Variants in MTF2 observed in about 807,000 individuals in gnomAD.
MTF2 encodes the protein metal-response element-binding transcription factor 2.
MTF2 carries 11 observed loss-of-function variants against 79.5 expected under a neutral mutation model. The observed-to-expected ratio is 0.14, with a 90% CI of 0.09 to 0.23. MTF2 has a LOEUF of 0.23. MTF2 is among the 10% of genes least tolerant of loss of function. The probability of loss-of-function intolerance (pLI) is 1.00; values close to 1 mark genes in which losing one functional copy is unlikely to be tolerated. For missense variants in MTF2, 486 were observed against 711.2 expected, an observed-to-expected ratio of 0.68 and a Z score of 3.60; for synonymous variants, 208 against 232.8, an observed-to-expected ratio of 0.89 and a Z score of 0.97.
At chr1:93,115,401 T>C (rs1656210946) in intron 5 of MTF2, 69 bp from the exon 6 acceptor site, 1 of 1,166,292 alleles carries the variant, frequency 8.6e-7, no homozygotes, top group African/African-American at 1.6e-5. Context: ...TCAGAGTCGT[T>C]TTTAAAGTAT....
At chr1:93,087,864 G>C (rs1162110728) in intron 1 of MTF2, among the ~76,000 whole-genome samples, 1 of 152,094 alleles carries the variant, frequency 6.6e-6, no homozygotes, top group Non-Finnish European at 1.5e-5. Context: ...CTGAGTTCCA[G>C]ATTTTTCACT....
At chr1:93,111,092 A>G (rs1330468136) in intron 3 of MTF2, among the ~76,000 whole-genome samples, 1 of 152,178 alleles carries the variant, frequency 6.6e-6, no homozygotes, top group African/African-American at 2.4e-5. Context: ...TTTAAATGGG[A>G]AAATGAGGCT....
chr1:93,132,820 C>G (rs148218007), intron 11 of MTF2, among the ~76,000 whole-genome samples: 1 of 152,034 alleles, frequency 6.6e-6, no homozygotes, highest in Admixed American at 6.5e-5. Flanking sequence ...TCCTCATAGC[C>G]CTCACTCCAT....
rs139000063 is a variant in MTF2, at chr1:93,101,266, T to G, written c.6-8964T>G. Among the ~76,000 whole-genome samples, 815 of 152,164 alleles carry G rather than the reference T, an allele frequency of 5.4e-3. 5 individuals are homozygous for G. The highest frequency in any genetic ancestry group is 8.0e-3 in the Non-Finnish European group (544 of 68,018). On this transcript the variant is annotated intron_variant, in intron 1 of 14. Coordinates refer to ENST00000370298, the MANE Select transcript of MTF2 (RefSeq NM_007358.4). ...TTTGTCCAGGCAATCTCTTTCAAGA[T>G]GTATATGACTAGCAGTGATCCAGTG...
At chr1:93,100,520 G>T (rs779997329) in intron 1 of MTF2, among the ~76,000 whole-genome samples, 22 of 152,108 alleles carry the variant, frequency 1.4e-4, no homozygotes, top group Non-Finnish European at 2.5e-4. Flanking sequence ...TGTTAGCCAA[G>T]ATGGTCTTGC....
chr1:93,093,336 A>C (rs1655150851), intron 1 of MTF2, among the ~76,000 whole-genome samples: 1 of 152,186 alleles, frequency 6.6e-6, no homozygotes, highest in Non-Finnish European at 1.5e-5. Context: ...ATACATCTTC[A>C]GTTCCACAAA....
intron 14 of MTF2, among the ~76,000 whole-genome samples, chr1:93,135,137 A>ATT (rs1647335153): frequency 6.6e-6 from 1 of 151,916 alleles, no homozygotes; most frequent in Non-Finnish European, 1.5e-5. Context: ...TGCCCAGCTA[A>ATT]CTTTTTGTAT....
intron 7 of MTF2, 95 bp downstream of exon 7, chr1:93,118,535 A>G: frequency 1.0e-5 from 8 of 796,956 alleles, no homozygotes; most frequent in Non-Finnish European, 1.5e-5. Flanking sequence ...TAGTTTCAAC[A>G]GTGATTTGGA....
At chr1:93,127,458 G>A (rs1656744904) in intron 10 of MTF2, among the ~76,000 whole-genome samples, 159 bp downstream of exon 10, 1 of 152,176 alleles carries the variant, frequency 6.6e-6, no homozygotes, top group Non-Finnish European at 1.5e-5. Context: ...TTAAAGCAGT[G>A]ATTCTCAAGG....
intron 8 of MTF2, chr1:93,119,605 T>C: frequency 2.1e-6 from 1 of 477,010 alleles, no homozygotes; most frequent in Non-Finnish European, 3.7e-6. Context: ...CTGTTCAGTG[T>C]TGAATGTTAT....
rs754948049 is a variant in MTF2 at position 93,114,796 on chromosome 1, T to C, written c.382+13T>C. ...AAGTGTGGCCAAGGTAACCATTGAT[T>C]TCTTTTAATCTTGTTACATACTGAA... On this transcript the variant is annotated intron_variant, in intron 4 of 14. Transcript: ENST00000370298. The C allele has an allele frequency of 6.3e-7, 1 of 1,578,330 alleles. No homozygotes were observed. Among genetic ancestry groups the C allele is most frequent in the Non-Finnish European group, 8.7e-7 (1 of 1,155,836 alleles).
At chr1:93,094,484 A>T (rs1557543673) in intron 1 of MTF2, among the ~76,000 whole-genome samples, 1 of 151,548 alleles carries the variant, frequency 6.6e-6, no homozygotes, top group Middle Eastern at 3.2e-3. Context: ...ATGTTTTAAG[A>T]TTTTTTTTCA....
At chr1:93,082,478 C>T (rs980371912) in intron 1 of MTF2, among the ~76,000 whole-genome samples, 3 of 151,876 alleles carry the variant, frequency 2.0e-5, no homozygotes, top group Admixed American at 6.6e-5. Context: ...TTTGTGGAGA[C>T]GGGATCTTAC....
At chr1:93,091,936 TCCA>T (rs1398600168) in intron 1 of MTF2, among the ~76,000 whole-genome samples, 1 of 152,196 alleles carries the variant, frequency 6.6e-6, no homozygotes, top group African/African-American at 2.4e-5. Flanking sequence ...TATTAAAATC[TCCA>T]AGAAGTCCTT....
At chr1:93,126,267 CA>C (rs1474204733) in intron 9 of MTF2, among the ~76,000 whole-genome samples, 3 of 151,988 alleles carry the variant, frequency 2.0e-5, no homozygotes, top group Non-Finnish European at 4.4e-5. Flanking sequence ...ACCAACTAGA[CA>C]GGTGAATTTG....
intron 11 of MTF2, among the ~76,000 whole-genome samples, chr1:93,132,084 T>G (rs1246410237): frequency 1.3e-5 from 2 of 152,062 alleles, no homozygotes; most frequent in Non-Finnish European, 2.9e-5. Context: ...GTAGCCTCCA[T>G]TTTCTCGATG....
chr1:93,134,143 G>C lies in MTF2; in HGVS notation c.1372G>C (p.Gly458Arg). 1 of 1,613,744 alleles carries C rather than the reference G, an allele frequency of 6.2e-7. No homozygotes were observed. Among genetic ancestry groups the C allele is most frequent in the Non-Finnish European group, 8.5e-7 (1 of 1,179,794 alleles). The change falls in exon 14 of 15, where the codon GGT (glycine) becomes CGT (arginine). Residue 458 changes from glycine to arginine, a missense_variant. This residue lies in a region of MTF2 where 209 missense variants were observed against 206.5 expected (regional missense o/e 1.01). Transcript: ENST00000370298. Reference sequence around the variant, plus strand: ...CAATACCTCAGATGTGGATTTCACGGGTGCTTCCAGTGCAAAAGAAACTAC... The same window carrying C: ...CAATACCTCAGATGTGGATTTCACGCGTGCTTCCAGTGCAAAAGAAACTAC... ...SSNTSDVDFT[G>R]ASSAKETTSS...
intron 1 of MTF2, among the ~76,000 whole-genome samples, chr1:93,086,233 T>C (rs1654830364): frequency 6.6e-6 from 1 of 152,044 alleles, no homozygotes. Context: ...GCCGGGTGCA[T>C]TGGCTCACGC....
At chr1:93,114,481 G>A (rs913133040) in intron 3 of MTF2, among the ~76,000 whole-genome samples, 1 of 152,226 alleles carries the variant, frequency 6.6e-6, no homozygotes, top group Non-Finnish European at 1.5e-5. Flanking sequence ...CCAAAAAGCA[G>A]ATTAAATTAT....
Sources: gnomAD v4.1 joint callset for allele counts (sites outside exome capture counted in the v4.1 genomes callset) on GRCh38, gnomAD v4.1.1 for gene constraint, gnomAD v4.1.1 regional missense constraint, MANE v1.5 for transcripts, NCBI Gene and HGNC (gene_info 2026-07-23, HGNC 2026-07-21) for gene names.